HS6ST3: variants seen among roughly 807,000 people sequenced by gnomAD.
HS6ST3 encodes heparan sulfate 6-O-sulfotransferase 3, also known as heparan-sulfate 6-O-sulfotransferase 3.
A neutral mutation model predicts 36.7 loss-of-function variants in HS6ST3; 12 were observed. The ratio of observed to expected loss-of-function variants is 0.33; its 90% confidence interval spans 0.21 to 0.53. The LOEUF (loss-of-function observed/expected upper bound fraction) is 0.53, where lower values mean the gene tolerates loss of function less well. HS6ST3 is among the 20% of genes least tolerant of loss of function. The probability of loss-of-function intolerance (pLI) is 0.95; values close to 1 mark genes in which losing one functional copy is unlikely to be tolerated. For synonymous variants in HS6ST3, 240 were observed against 257.5 expected (o/e 0.93, Z 0.65); for missense variants, 584 against 640.9 (o/e 0.91, Z 0.96).
At chr13:96,591,802 C>T (rs1283258873) in intron 1 of HS6ST3, among the ~76,000 whole-genome samples, 2 of 151,918 alleles carry the variant, frequency 1.3e-5, no homozygotes, top group African/African-American at 4.8e-5. Context: ...TTTTAGTTTT[C>T]CCCCATTCAG....
At chr13:96,498,366 G>C (rs1354163643) in intron 1 of HS6ST3, among the ~76,000 whole-genome samples, 1 of 152,140 alleles carries the variant, frequency 6.6e-6, no homozygotes, top group Non-Finnish European at 1.5e-5. Context: ...AGACCTTGAG[G>C]CTTCTTCTTC....
chr13:96,572,701 A>G (rs1208820068), intron 1 of HS6ST3, among the ~76,000 whole-genome samples: 3 of 152,036 alleles, frequency 2.0e-5, no homozygotes, highest in Non-Finnish European at 4.4e-5. Flanking sequence ...AGTTCATCTA[A>G]TGCTTGAAAC....
chr13:96,227,036 C>T (rs1003890582), intron 1 of HS6ST3, among the ~76,000 whole-genome samples: 1 of 152,078 alleles, frequency 6.6e-6, no homozygotes, highest in Non-Finnish European at 1.5e-5. Context: ...GGATTAGTCC[C>T]TTTATCTTGA....
chr13:96,655,566 A>G (rs2056621799), intron 1 of HS6ST3, among the ~76,000 whole-genome samples: 1 of 152,126 alleles, frequency 6.6e-6, no homozygotes, highest in Non-Finnish European at 1.5e-5. Flanking sequence ...TCTATTTATA[A>G]GATTTTTTTG....
chr13:96,690,978 C>T (rs954543355), intron 1 of HS6ST3, among the ~76,000 whole-genome samples: 2 of 152,076 alleles, frequency 1.3e-5, no homozygotes, highest in Non-Finnish European at 2.9e-5. Flanking sequence ...CCAGTACTTT[C>T]CAATTCCCTT....
intron 1 of HS6ST3, among the ~76,000 whole-genome samples, chr13:96,173,178 T>G (rs1165526256): frequency 1.3e-5 from 2 of 152,156 alleles, no homozygotes; most frequent in Non-Finnish European, 2.9e-5. Context: ...AGAAAGAGAA[T>G]GATAAATATG....
intron 1 of HS6ST3, among the ~76,000 whole-genome samples, chr13:96,095,863 GGTGTGTGTGTGTGTGTGT>G (rs141939376): frequency 2.8e-5 from 4 of 140,408 alleles, no homozygotes; most frequent in Non-Finnish European, 6.1e-5. Flanking sequence ...TTATATGACT[GGTGTGTGTGTGTGTGTGT>G]GTGTGTGTGT....
intron 1 of HS6ST3, among the ~76,000 whole-genome samples, chr13:96,753,008 G>C (rs933965873): frequency 6.6e-6 from 1 of 152,156 alleles, no homozygotes; most frequent in African/African-American, 2.4e-5. Context: ...TTGTCCTAGA[G>C]CATGTTTTTG....
intron 1 of HS6ST3, among the ~76,000 whole-genome samples, chr13:96,146,069 G>T (rs1410458302): frequency 6.6e-6 from 1 of 152,174 alleles, no homozygotes; most frequent in Non-Finnish European, 1.5e-5. Context: ...TTGTAGTATA[G>T]TTTGAAGTCA....
chr13:96,274,676 A>G (rs561770110), intron 1 of HS6ST3, among the ~76,000 whole-genome samples: 1 of 152,240 alleles, frequency 6.6e-6, no homozygotes, highest in Non-Finnish European at 1.5e-5. Flanking sequence ...AGTAAAGCTA[A>G]CTGACCCACC....
chr13:96,836,452 T>C lies in HS6ST3; in HGVS notation c.*3254T>C, dbSNP rs1878930484. ...GAAACTGCCCTGAGAATTATTAGAATGCTAATAATAGTAATTGGTAACATT... is the reference window on the plus strand; with the variant it reads ...GAAACTGCCCTGAGAATTATTAGAACGCTAATAATAGTAATTGGTAACATT... On this transcript the variant is annotated 3_prime_UTR_variant, in exon 2 of 2. Coordinates refer to ENST00000376705, the MANE Select transcript of HS6ST3 (RefSeq NM_153456.4). The C allele has an allele frequency of 6.6e-6, 1 of 152,184 alleles. No individual in the cohort carries two copies. The highest frequency in any genetic ancestry group is 2.4e-5 in the African/African-American group (1 of 41,434). 9.4% of individuals were successfully genotyped at this position (152,184 alleles called of 1,614,324 possible).
intron 1 of HS6ST3, among the ~76,000 whole-genome samples, chr13:96,690,800 T>C (rs1874935375): frequency 6.9e-6 from 1 of 143,962 alleles, no homozygotes; most frequent in Non-Finnish European, 1.5e-5. Context: ...TGAACACATG[T>C]AGTAGATATA....
chr13:96,742,138 A>G (rs1465336955), intron 1 of HS6ST3, among the ~76,000 whole-genome samples: 2 of 152,176 alleles, frequency 1.3e-5, no homozygotes, highest in Admixed American at 1.3e-4. Context: ...CCTACATAAT[A>G]TAAGTGGCTA....
intron 1 of HS6ST3, among the ~76,000 whole-genome samples, chr13:96,245,348 A>G (rs2054579741): frequency 6.6e-6 from 1 of 152,232 alleles, no homozygotes; most frequent in Admixed American, 6.5e-5. Flanking sequence ...GGGGTATAGC[A>G]TTAAGATCAC....
chr13:96,116,243 T>G (rs2053893643), intron 1 of HS6ST3, among the ~76,000 whole-genome samples: 3 of 152,160 alleles, frequency 2.0e-5, no homozygotes, highest in African/African-American at 7.2e-5. Context: ...TTTACACTGC[T>G]ACTACCTGAA....
chr13:96,314,963 A>G (rs1480948878), intron 1 of HS6ST3, among the ~76,000 whole-genome samples: 1 of 152,214 alleles, frequency 6.6e-6, no homozygotes, highest in Non-Finnish European at 1.5e-5. Context: ...AAAATATACC[A>G]ATATCAACAA....
At chr13:96,511,173 C>T (rs2056048411) in intron 1 of HS6ST3, among the ~76,000 whole-genome samples, 2 of 152,116 alleles carry the variant, frequency 1.3e-5, no homozygotes, top group Non-Finnish European at 2.9e-5. Flanking sequence ...TCATGGATAC[C>T]TGGATTGTAT....
At chr13:96,250,974 C>T (rs943109968) in intron 1 of HS6ST3, among the ~76,000 whole-genome samples, 2 of 152,152 alleles carry the variant, frequency 1.3e-5, no homozygotes, top group Admixed American at 6.6e-5. Context: ...TTTTAATGTA[C>T]TGTTGAACTT....
chr13:96,110,809 G>A (rs1327026399), intron 1 of HS6ST3, among the ~76,000 whole-genome samples: 2 of 152,136 alleles, frequency 1.3e-5, no homozygotes, highest in Non-Finnish European at 2.9e-5. Context: ...GAATTATAAA[G>A]GGTCATCAGA....
Sources: allele counts gnomAD v4.1 joint callset (sites outside exome capture counted in the v4.1 genomes callset), GRCh38; gene constraint gnomAD v4.1.1; transcripts MANE v1.5; gene names NCBI Gene and HGNC (gene_info 2026-07-23, HGNC 2026-07-21).